EPB41: variants seen among roughly 807,000 people sequenced by gnomAD.
EPB41 encodes erythrocyte membrane protein band 4.1.
In EPB41, 65 loss-of-function variants were observed where a neutral mutation model predicts 108.0. That is an observed-to-expected ratio of 0.60 (90% confidence interval 0.49 to 0.74). EPB41 has a LOEUF of 0.74. Ranked by LOEUF, EPB41 falls within the 30% of genes least tolerant of loss-of-function variation. The probability of loss-of-function intolerance (pLI) is 0.00; values close to 1 mark genes in which losing one functional copy is unlikely to be tolerated. For synonymous variants in EPB41, 336 were observed against 358.9 expected, an observed-to-expected ratio of 0.94 and a Z score of 0.72; for missense variants, 875 against 1,037.0, an observed-to-expected ratio of 0.84 and a Z score of 2.15.
Position 29,112,357 on chromosome 1 carries a change from T to G in EPB41, c.2416-11T>G. ...CGCTGATCTCATATGACATCTTCTCTTTGGTTCCAGACTGTAAAAGGTGGG... is the reference window on the plus strand; with the variant it reads ...CGCTGATCTCATATGACATCTTCTCGTTGGTTCCAGACTGTAAAAGGTGGG... On this transcript the variant is annotated splice_polypyrimidine_tract_variant and intron_variant, in intron 18 of 20. Coordinates refer to ENST00000343067, the MANE Select transcript of EPB41 (RefSeq NM_001376013.1). 1.2e-6 allele frequency: 2 copies of G among 1,609,862 alleles called. No individual in the cohort carries two copies. The highest frequency in any genetic ancestry group is 1.7e-6 in the Non-Finnish European group (2 of 1,176,446).
At chr1:29,050,277 T>C (rs1225915112) in intron 11 of EPB41, among the ~76,000 whole-genome samples, 1 of 152,238 alleles carries the variant, frequency 6.6e-6, no homozygotes, top group Non-Finnish European at 1.5e-5. Context: ...CACTAATACC[T>C]TCTTTTCCAC....
chr1:29,030,414 C>G lies in EPB41; in HGVS notation c.1139C>G (p.Ala380Gly). 1 of 1,613,874 alleles carries G rather than the reference C, an allele frequency of 6.2e-7. No individual in the cohort carries two copies. ...LHKSYRSMTP[A>G]QADLEFLENA... is the part of the protein sequence containing the mutation. Reference sequence around the variant, plus strand: ...TTCTATCAAAGGTCCATGACTCCAGCTCAGGCTGACTTGGAGTTTCTTGAG... The same window carrying G: ...TTCTATCAAAGGTCCATGACTCCAGGTCAGGCTGACTTGGAGTTTCTTGAG... The change falls in exon 8 of 21, where the codon GCT (alanine) becomes GGT (glycine). Residue 380 changes from alanine (A) to glycine (G), a missense_variant. Around this residue, in one of 3 missense-constraint regions of EPB41, gnomAD observed 519 missense variants for 627.3 expected, o/e 0.83. Transcript: ENST00000343067.
At chr1:29,012,435 G>T (rs979536922) in intron 5 of EPB41, among the ~76,000 whole-genome samples, 1 of 152,154 alleles carries the variant, frequency 6.6e-6, no homozygotes, top group Non-Finnish European at 1.5e-5. Flanking sequence ...GACAAGAATT[G>T]CTTGCCACTG....
At chr1:29,005,821 C>A (rs1357547067) in intron 4 of EPB41, among the ~76,000 whole-genome samples, 2 of 152,206 alleles carry the variant, frequency 1.3e-5, no homozygotes, top group African/African-American at 4.8e-5. Context: ...ACGGGTAATA[C>A]TTTAGCCAAA....
Position 28,993,317 on chromosome 1 carries a change from C to A in EPB41, c.469-13C>A. On this transcript the variant is annotated splice_polypyrimidine_tract_variant and intron_variant, in intron 2 of 20. Transcript: ENST00000343067. Reference sequence around the variant, plus strand: ...GTGTTTATTACTGACTTGGCGATGTCATGGATATGTAGCCTGCTCAGGAAG... The same window carrying A: ...GTGTTTATTACTGACTTGGCGATGTAATGGATATGTAGCCTGCTCAGGAAG... The A allele has an allele frequency of 6.2e-7, 1 of 1,608,956 alleles. No homozygotes were observed. The highest frequency in any genetic ancestry group is 1.1e-5 in the South Asian group (1 of 90,800).
intron 7 of EPB41, among the ~76,000 whole-genome samples, chr1:29,019,166 A>G (rs2096612642): frequency 6.6e-6 from 1 of 152,204 alleles, no homozygotes; most frequent in Non-Finnish European, 1.5e-5. Flanking sequence ...CTGAAATCCT[A>G]GCACTTTGGG....
At chr1:29,032,490 AT>A (rs1374204081) in intron 8 of EPB41, among the ~76,000 whole-genome samples, 1 of 152,104 alleles carries the variant, frequency 6.6e-6, no homozygotes, top group Non-Finnish European at 1.5e-5. Flanking sequence ...CTCTATACTC[AT>A]TTTGGGGGAA....
rs1647153806 is a variant in EPB41 at position 29,065,317 on chromosome 1, T to A, written c.2184+159T>A. On this transcript the variant is annotated intron_variant, in intron 16 of 20. Transcript: ENST00000343067. ...TAAGGCATTTGTAATCAAATATTTA[T>A]TTTTTTTTAAGTCAGGTAGGCTACC... 3.3e-6 allele frequency: 4 copies of A among 1,196,824 alleles called. No homozygotes were observed. The Admixed American group carries it at 1.4e-4, about 42-fold the overall frequency. The allele number at this position is 1,196,824 out of a possible 1,614,324, so 74.1% of individuals were successfully genotyped here.
Position 28,997,213 on chromosome 1 carries a change from A to T in EPB41, c.682-2A>T. 2 of 1,609,308 alleles carry T rather than the reference A, an allele frequency of 1.2e-6. No individual in the cohort carries two copies. Among genetic ancestry groups the T allele is most frequent in the Non-Finnish European group, 1.7e-6 (2 of 1,175,614 alleles). On this transcript the variant is annotated splice_acceptor_variant, in intron 3 of 20. Coordinates refer to ENST00000343067, the MANE Select transcript of EPB41 (RefSeq NM_001376013.1). LOFTEE classifies it high-confidence loss of function. ...TCAACTAAGTCACGTATATCTTTGC[A>T]GAAACATGCTAAGGGACAAGATTTG...
chr1:28,887,624 G>A lies in EPB41; in HGVS notation c.-8+414G>A. On this transcript the variant is annotated intron_variant, in intron 1 of 16. Transcript: ENST00000347529. This position sits in a 1 kb window ranked among gnomAD's most constrained non-coding sequence, Gnocchi z 4.9. ...ATGCTCCTGCCGGGCCCGCAGCAGC[G>A]CTGGAGCGGGCTGGCGGCTAGCAGC... 1.0e-6 allele frequency: 1 copy of A among 985,234 alleles called. No homozygotes were observed. The allele number at this position is 985,234 out of a possible 1,614,324, so 61.0% of individuals were successfully genotyped here.
At chr1:28,978,258 A>G (rs1273480419) in intron 1 of EPB41, among the ~76,000 whole-genome samples, 1 of 151,464 alleles carries the variant, frequency 6.6e-6, no homozygotes, top group African/African-American at 2.4e-5. Context: ...GTTATCCTCT[A>G]ACTCTTCATA....
At chr1:28,927,279 T>C (rs2093499377) in intron 1 of EPB41, among the ~76,000 whole-genome samples, 2 of 152,238 alleles carry the variant, frequency 1.3e-5, no homozygotes, top group Non-Finnish European at 2.9e-5. Flanking sequence ...TTTGCTTTTA[T>C]ACATTTTGGA....
intron 17 of EPB41, among the ~76,000 whole-genome samples, chr1:29,104,143 A>G (rs1666361147): frequency 6.6e-6 from 1 of 152,124 alleles, no homozygotes; most frequent in Admixed American, 6.6e-5. Flanking sequence ...TAATAGTTGT[A>G]CCTCATAGGA....
chr1:29,114,821 GTTA>G (rs1245296262), intron 19 of EPB41, among the ~76,000 whole-genome samples: 1 of 151,948 alleles, frequency 6.6e-6, no homozygotes, highest in Non-Finnish European at 1.5e-5. Flanking sequence ...TAACAATATA[GTTA>G]TTAATAAATT....
chr1:28,995,075 G>T (rs538879388), intron 3 of EPB41, among the ~76,000 whole-genome samples: 3 of 151,808 alleles, frequency 2.0e-5, no homozygotes, highest in East Asian at 3.9e-4. Context: ...AGGAAATCAA[G>T]AAAGATGTAA....
chr1:29,011,969 A>G (rs1288598916), intron 5 of EPB41, 62 bp downstream of exon 5: 3 of 1,577,292 alleles, frequency 1.9e-6, no homozygotes, highest in Non-Finnish European at 2.6e-6. Flanking sequence ...AGGATTTCCA[A>G]CCATTTCTGG....
chr1:29,014,009 T>C (rs531471307), intron 5 of EPB41, among the ~76,000 whole-genome samples: 3 of 152,182 alleles, frequency 2.0e-5, no homozygotes, highest in Admixed American at 2.0e-4. Context: ...ATATATACAT[T>C]TTGCATTTTA....
intron 1 of EPB41, chr1:28,893,804 G>A (rs939844633): frequency 6.6e-6 from 1 of 152,448 alleles, no homozygotes; most frequent in African/African-American, 2.4e-5. Context: ...GGCCTCTCCT[G>A]GACTGGCTGC....
intron 1 of EPB41, among the ~76,000 whole-genome samples, chr1:28,924,396 G>A (rs764047438): frequency 3.3e-5 from 5 of 152,192 alleles, no homozygotes; most frequent in Non-Finnish European, 5.9e-5. Flanking sequence ...GGGTGTGGTG[G>A]TGTGCACCTG....
Sources: allele counts gnomAD v4.1 joint callset (sites outside exome capture counted in the v4.1 genomes callset), GRCh38; gene constraint gnomAD v4.1.1; regional missense constraint gnomAD v4.1.1; non-coding constraint Gnocchi (gnomAD v3.1); transcripts MANE v1.5; gene names NCBI Gene and HGNC (gene_info 2026-07-23, HGNC 2026-07-21).